PRSS53: variants seen among roughly 807,000 people sequenced by gnomAD.
The protein encoded by PRSS53 is EDTP308.
A neutral mutation model predicts 62.7 loss-of-function variants in PRSS53; 54 were observed. The observed-to-expected ratio is 0.86, with a 90% CI of 0.69 to 1.08. The LOEUF is 1.08. Ranked by LOEUF, PRSS53 falls within the 50% of genes least tolerant of loss-of-function variation. The pLI is 0.00. For synonymous variants in PRSS53, 273 were observed against 300.0 expected (o/e 0.91, Z 0.93); for missense variants, 688 against 728.3 (o/e 0.94, Z 0.64).
chr16:31,084,389 G>T (rs929931237), intron 9 of PRSS53, 54 bp from the exon 10 acceptor site: 2 of 1,545,692 alleles, frequency 1.3e-6, no homozygotes, highest in Non-Finnish European at 1.8e-6. Flanking sequence ...TGTGCAGGAC[G>T]GTAGAGCAGG....
chr16:31,087,012 T>C lies in PRSS53; in HGVS notation c.243-114A>G, dbSNP rs1030346229. ...AGAGAGCACTCCACGGCTTTTTCTT[T>C]TTGAGGTAGGGTCTCGTCCTGTCGC... is the stretch of plus-strand genomic sequence containing the variant. On this transcript the variant is annotated intron_variant, in intron 3 of 10. Transcript: ENST00000280606. 8.2e-5 allele frequency: 97 copies of C among 1,186,168 alleles called. 1 individual carries two copies. The highest frequency in any genetic ancestry group is 1.0e-4 in the Non-Finnish European group (87 of 864,882). 73.5% of individuals were successfully genotyped at this position (1,186,168 alleles called of 1,614,324 possible).
chr16:31,088,748 T>C lies in PRSS53; in HGVS notation c.58+4A>G, dbSNP rs1358769285. On this transcript the variant is annotated splice_donor_region_variant and intron_variant, in intron 1 of 10. Coordinates refer to ENST00000280606, the Ensembl canonical transcript of PRSS53. Reference sequence around the variant, plus strand: ...CACCCATACCCCAGCACATGGCGGCTTACCCTCCATGAGGACTGTGGCACC... The same window carrying C: ...CACCCATACCCCAGCACATGGCGGCCTACCCTCCATGAGGACTGTGGCACC... 8.1e-6 allele frequency: 13 copies of C among 1,613,242 alleles called. No homozygotes were observed. Among genetic ancestry groups the C allele is most frequent in the Non-Finnish European group, 1.0e-5 (12 of 1,180,000 alleles).
At chr16:31,085,890 T>C (rs2057227082) in intron 6 of PRSS53, 74 bp downstream of exon 6, 4 of 1,375,498 alleles carry the variant, frequency 2.9e-6, no homozygotes, top group African/African-American at 1.4e-5. Context: ...TGGATGCCTA[T>C]GCCAGTTCTC....
Position 31,085,236 on chromosome 16 carries a change from C to T in PRSS53, c.908G>A (p.Gly303Asp), listed in dbSNP as rs754292430. Residue 303 changes from glycine (G) to aspartate (D), a missense_variant, in exon 7 of 11, where the codon GGT (glycine) becomes GAT (aspartate). By Grantham distance (94) the Gly-to-Asp change is moderately conservative (BLOSUM62 -1). Coordinates refer to ENST00000280606, the Ensembl canonical transcript of PRSS53. Reference sequence around the variant, plus strand: ...TGGGGAGGGTGCTCCTGCCTGGGGACCTGCTGTCCTCAAGGATCCACAGGC... The same window carrying T: ...TGGGGAGGGTGCTCCTGCCTGGGGATCTGCTGTCCTCAAGGATCCACAGGC... 6.3e-6 allele frequency: 10 copies of T among 1,591,482 alleles called. No homozygotes were observed. The Admixed American group carries it at 1.6e-4, about 25-fold the overall frequency.
At chr16:31,084,185 A>G (rs766589568) in exon 10 of PRSS53, 5 of 1,609,232 alleles carry the variant, frequency 3.1e-6, no homozygotes, top group Non-Finnish European at 4.2e-6. Flanking sequence ...TAGACCTGCC[A>G]GTCCAAACTG....
exon 1 of PRSS53, chr16:31,088,924 C>G: frequency 1.3e-6 from 2 of 1,525,232 alleles, no homozygotes; most frequent in Non-Finnish European, 1.8e-6. Flanking sequence ...TCTGCTTGCC[C>G]TAGCCAGCAG....
At chr16:31,087,761 A>G (rs1749668813) in intron 2 of PRSS53, 45 bp downstream of exon 2, 1 of 1,613,972 alleles carries the variant, frequency 6.2e-7, no homozygotes, top group Non-Finnish European at 8.5e-7. Context: ...CCCAGTCCCA[A>G]CCCAGACCCA....
chr16:31,086,531 TG>T (rs1186872730), intron 4 of PRSS53, 40 bp from the exon 5 acceptor site: 3 of 1,587,016 alleles, frequency 1.9e-6, no homozygotes, highest in Non-Finnish European at 2.6e-6. Context: ...GTCTGGGATC[TG>T]GGAAGCAAGG....
chr16:31,084,677 C>T (rs776866243), exon 9 of PRSS53: 22 of 1,611,958 alleles, frequency 1.4e-5, no homozygotes, highest in South Asian at 3.3e-5. Flanking sequence ...AGGAGGGTCA[C>T]GGGCACTGTC....
rs893599375 is a variant in PRSS53, at chr16:31,084,886, A to G, written c.1173T>C (p.Pro391=). The G allele has an allele frequency of 1.7e-5, 26 of 1,545,126 alleles. No homozygotes were observed. The African/African-American group carries it at 3.4e-4, about 20-fold the overall frequency. Residue 391 remains proline (P), a synonymous_variant, in exon 8 of 11, where the codon CCT becomes CCC. Coordinates refer to ENST00000280606, the Ensembl canonical transcript of PRSS53. ...GCCGCAGGCTGGCTCCCAGTGTCAC[A>G]GGCTGGGCCAGCAGCAGGAGGGCCA...
intron 10 of PRSS53, 21 bp downstream of exon 10, chr16:31,084,098 G>C (rs745489677): frequency 1.9e-4 from 290 of 1,554,876 alleles, no homozygotes; most frequent in Non-Finnish European, 2.4e-4. Context: ...GGGTTTGGCA[G>C]GAGGCCCCGG....
exon 4 of PRSS53, chr16:31,086,756 G>A (rs192370268): frequency 3.5e-5 from 57 of 1,611,148 alleles, no homozygotes; most frequent in Middle Eastern, 3.4e-4. Context: ...AGCAGGGCCA[G>A]GTCTGAGCCC....
exon 8 of PRSS53, chr16:31,084,885 C>G: frequency 6.5e-7 from 1 of 1,545,202 alleles, no homozygotes. Flanking sequence ...CCCAGTGTCA[C>G]AGGCTGGGCC....
At chr16:31,086,121 G>T (rs1292180869) in exon 6 of PRSS53, 3 of 1,613,356 alleles carry the variant, frequency 1.9e-6, no homozygotes, top group Non-Finnish European at 2.5e-6. Flanking sequence ...CAAAGCTGAT[G>T]ATGCCAGCCT....
At chr16:31,087,963 G>T in intron 1 of PRSS53, 137 bp from the exon 2 acceptor site, 1 of 1,541,726 alleles carries the variant, frequency 6.5e-7, no homozygotes, top group Non-Finnish European at 8.7e-7. Flanking sequence ...CTCCCAGAAT[G>T]AAAATATTTA....
intron 1 of PRSS53, chr16:31,088,527 C>T (rs1443077396): frequency 4.9e-6 from 7 of 1,424,266 alleles, no homozygotes; most frequent in Non-Finnish European, 6.4e-6. Flanking sequence ...ACACACAAGA[C>T]CACAGGCCCC....
rs1376141527 is a variant in PRSS53 at position 31,085,195 on chromosome 16, TGG to T, written c.947_948del (p.Ala316GlufsTer62). The T allele has an allele frequency of 1.2e-6, 2 of 1,608,992 alleles. No homozygotes were observed. The highest frequency in any genetic ancestry group is 2.2e-5 in the South Asian group (2 of 90,030). ...GCCAGCTGTCCCTGGTGCATCAGCC[TGG>T]CCTCCCAGGGCCATGGGGAGGGTGC... On this transcript the variant is annotated frameshift_variant, in exon 7 of 11. Coordinates refer to ENST00000280606, the Ensembl canonical transcript of PRSS53. LOFTEE classifies it high-confidence loss of function.
exon 6 of PRSS53, chr16:31,085,989 C>G (rs377128856): frequency 6.2e-7 from 1 of 1,614,102 alleles, no homozygotes; most frequent in Admixed American, 1.7e-5. Context: ...CATCACTCAT[C>G]TCCGGGGTCT....
chr16:31,088,364 A>G, intron 1 of PRSS53: 1 of 1,131,094 alleles, frequency 8.8e-7, no homozygotes, highest in Non-Finnish European at 1.1e-6. Context: ...TCACAGGCAC[A>G]CAGGCACCCC....
Sources: gnomAD v4.1 joint callset for allele counts on GRCh38, gnomAD v4.1.1 for gene constraint, MANE v1.5 for transcripts, NCBI Gene and HGNC (gene_info 2026-07-23, HGNC 2026-07-21) for gene names.